Variants in ADAP2 observed in about 807,000 individuals in gnomAD.
The protein encoded by ADAP2 is arf-GAP with dual PH domain-containing protein 2.
In ADAP2, 42 loss-of-function variants were observed where a neutral mutation model predicts 54.9. That is an observed-to-expected ratio of 0.77 (90% CI 0.60 to 0.99). ADAP2 has a LOEUF of 0.99. ADAP2 is among the 50% of genes least tolerant of loss of function. The probability of loss-of-function intolerance (pLI) is 0.00; values close to 1 mark genes in which losing one functional copy is unlikely to be tolerated. For synonymous variants in ADAP2, 177 were observed against 180.1 expected, an observed-to-expected ratio of 0.98 and a Z score of 0.14; for missense variants, 429 against 480.4, an observed-to-expected ratio of 0.89 and a Z score of 1.00.
intron 5 of ADAP2, among the ~76,000 whole-genome samples, chr17:30,942,009 G>A (rs1299958568): frequency 6.6e-6 from 1 of 151,972 alleles, no homozygotes; most frequent in African/African-American, 2.4e-5. Context: ...GGGGTCAAGC[G>A]ATTCTCCTTC....
chr17:30,951,856 C>T (rs572600169), intron 7 of ADAP2, among the ~76,000 whole-genome samples: 7 of 149,292 alleles, frequency 4.7e-5, no homozygotes, highest in East Asian at 4.1e-4. Flanking sequence ...GGGGTTTCAC[C>T]GTGTTAGCCA....
intron 3 of ADAP2, among the ~76,000 whole-genome samples, 188 bp downstream of exon 3, chr17:30,927,106 CT>C (rs903424589): frequency 2.0e-5 from 3 of 152,130 alleles, no homozygotes; most frequent in African/African-American, 7.2e-5. Flanking sequence ...CTCTTTCTGC[CT>C]CTGTTGCTTG....
Position 30,934,233 on chromosome 17 carries a change from T to C in ADAP2, c.446T>C (p.Phe149Ser), listed in dbSNP as rs963288514. ...LWKRGRDNSQ[F>S]LRRKFVLLAR... Reference sequence around the variant, plus strand: ...AAGCGAGGAAGGGACAACTCACAGTTTCTGAGAAGGAAGTTTGTACTTCTG... The same window carrying C: ...AAGCGAGGAAGGGACAACTCACAGTCTCTGAGAAGGAAGTTTGTACTTCTG... Residue 149 changes from phenylalanine to serine, a missense_variant, in exon 5 of 11, where the codon TTT (phenylalanine) becomes TCT (serine). By Grantham distance (155) the Phe-to-Ser change is radical. Coordinates refer to ENST00000330889, the MANE Select transcript of ADAP2 (RefSeq NM_018404.3). The C allele has an allele frequency of 1.9e-6, 3 of 1,614,114 alleles. No homozygotes were observed. Among genetic ancestry groups the C allele is most frequent in the Admixed American group, 3.3e-5 (2 of 60,006 alleles).
rs1912512688 is a variant in ADAP2, at chr17:30,944,578, G to GTC, written c.511-327_511-326dup. 2.6e-5 allele frequency among the ~76,000 whole-genome samples: 4 copies of GTC among 152,298 alleles called. No individual in the cohort carries two copies. In the South Asian group the frequency reaches 8.3e-4, roughly 32 times the overall value. On this transcript the variant is annotated intron_variant, in intron 5 of 10. Coordinates refer to ENST00000330889, the MANE Select transcript of ADAP2 (RefSeq NM_018404.3). ...AGGTTCAAACCACTCTCCTGCCTCAGTCTTCCGAGTTGTTGGGATTACAGG... is the reference window on the plus strand; with the variant it reads ...AGGTTCAAACCACTCTCCTGCCTCAGTCTCTTCCGAGTTGTTGGGATTACAGG...
Position 30,958,034 on chromosome 17 carries a change from TG to T in ADAP2, c.*168del. 1 of 687,220 alleles carries T rather than the reference TG, an allele frequency of 1.5e-6. No individual in the cohort carries two copies. The highest frequency in any genetic ancestry group is 2.6e-6 in the Non-Finnish European group (1 of 390,476). 42.6% of individuals were successfully genotyped at this position (687,220 alleles called of 1,614,324 possible). On this transcript the variant is annotated 3_prime_UTR_variant, in exon 11 of 11. Coordinates refer to ENST00000330889, the MANE Select transcript of ADAP2 (RefSeq NM_018404.3). ...GCTGTGGCTTTATCCATCAGCTCCC[TG>T]GGCCTTCCCCGCAACCCACCTCGGG...
intron 3 of ADAP2, among the ~76,000 whole-genome samples, chr17:30,930,896 G>A (rs1911425416): frequency 6.6e-6 from 1 of 152,182 alleles, no homozygotes; most frequent in African/African-American, 2.4e-5. Flanking sequence ...TGCTGAGTAG[G>A]TGCTAGGCCC....
At chr17:30,951,695 G>A (rs1177771440) in intron 7 of ADAP2, among the ~76,000 whole-genome samples, 3 of 128,544 alleles carry the variant, frequency 2.3e-5, no homozygotes, top group East Asian at 4.5e-4. Flanking sequence ...TCGCTCTTTC[G>A]CCCAGGCCAG....
Position 30,953,335 on chromosome 17 carries a change from AAAGACTGGGC to A in ADAP2, c.790_799del (p.Lys264GlnfsTer98). ...ACTACCTCAAACAAGGCTTCATGGAAAAGACTGGGCCAAAGGTACCTTCTATCACTCCCTG... is the reference window on the plus strand; with the variant it reads ...ACTACCTCAAACAAGGCTTCATGGAACAAAGGTACCTTCTATCACTCCCTG... On this transcript the variant is annotated frameshift_variant, in exon 8 of 11. Coordinates refer to ENST00000330889, the MANE Select transcript of ADAP2 (RefSeq NM_018404.3). LOFTEE classifies it high-confidence loss of function. 6.2e-7 allele frequency: 1 copy of A among 1,614,048 alleles called. No homozygotes were observed. The highest frequency in any genetic ancestry group is 8.5e-7 in the Non-Finnish European group (1 of 1,180,022).
At chr17:30,953,246 T>A (rs141540697) in intron 7 of ADAP2, 42 bp from the exon 8 acceptor site, 13 of 1,608,524 alleles carry the variant, frequency 8.1e-6, no homozygotes, top group Non-Finnish European at 1.1e-5. Flanking sequence ...CCTGGAGCCT[T>A]GGGGTGTGAG....
chr17:30,945,689 G>A (rs1056464190), intron 6 of ADAP2, among the ~76,000 whole-genome samples: 17 of 151,916 alleles, frequency 1.1e-4, no homozygotes, highest in Admixed American at 3.9e-4. Flanking sequence ...CTGGGAGGTC[G>A]AGGCTGCAGT....
chr17:30,946,221 A>T (rs1912668487), intron 6 of ADAP2, among the ~76,000 whole-genome samples: 1 of 151,868 alleles, frequency 6.6e-6, no homozygotes, highest in Non-Finnish European at 1.5e-5. Flanking sequence ...TGCACATTAA[A>T]GTTTGAGAAG....
At chr17:30,949,474 C>T (rs370493206) in intron 7 of ADAP2, 104 bp downstream of exon 7, 22 of 1,077,988 alleles carry the variant, frequency 2.0e-5, no homozygotes, top group African/African-American at 4.7e-5. Flanking sequence ...TAGGGCTGGG[C>T]GCGGTGGCTC....
chr17:30,950,256 G>A (rs974782867), intron 7 of ADAP2, among the ~76,000 whole-genome samples: 2 of 152,178 alleles, frequency 1.3e-5, no homozygotes, highest in Non-Finnish European at 2.9e-5. Flanking sequence ...ACATCATGGG[G>A]AGCCGAGAAC....
At chr17:30,926,951 G>A (rs1466053323) in intron 3 of ADAP2, 33 bp downstream of exon 3, 2 of 1,545,526 alleles carry the variant, frequency 1.3e-6, no homozygotes, top group East Asian at 2.2e-5. Flanking sequence ...ACTGGGTGAG[G>A]GGTCTGTCCT....
intron 9 of ADAP2, among the ~76,000 whole-genome samples, chr17:30,955,577 C>T (rs977814398): frequency 2.0e-5 from 3 of 151,524 alleles, no homozygotes; most frequent in African/African-American, 4.9e-5. Flanking sequence ...CGTGGTGGTG[C>T]GTGCCTGTAA....
At chr17:30,942,495 C>T (rs1192323367) in intron 5 of ADAP2, among the ~76,000 whole-genome samples, 2 of 152,256 alleles carry the variant, frequency 1.3e-5, no homozygotes, top group Non-Finnish European at 2.9e-5. Context: ...TCTAAGCATA[C>T]GCTGTGACCT....
chr17:30,956,885 C>G (rs559171328), intron 10 of ADAP2: 2 of 188,078 alleles, frequency 1.1e-5, no homozygotes, highest in South Asian at 1.1e-4. Context: ...TGGATTCCTC[C>G]CCACTCCAGA....
chr17:30,956,725 C>T lies in ADAP2; in HGVS notation c.1111+256C>T, dbSNP rs971514773. ...GAGGAGTTTGGCCCTGGCAGAACCC[C>T]TGGGTGCTGTCTGTACCCCTTGCGG... On this transcript the variant is annotated intron_variant, in intron 10 of 10. Coordinates refer to ENST00000330889, the MANE Select transcript of ADAP2 (RefSeq NM_018404.3). 1.7e-5 allele frequency: 9 copies of T among 522,778 alleles called. No homozygotes were observed. In the African/African-American group the frequency reaches 1.7e-4, roughly 10 times the overall value. 32.4% of individuals were successfully genotyped at this position (522,778 alleles called of 1,614,324 possible).
chr17:30,925,491 C>T (rs1294063978), intron 2 of ADAP2, among the ~76,000 whole-genome samples: 1 of 151,832 alleles, frequency 6.6e-6, no homozygotes, highest in Non-Finnish European at 1.5e-5. Context: ...GCGCCCAATC[C>T]TCTGTTATAT....
Sources: allele counts gnomAD v4.1 joint callset (sites outside exome capture counted in the v4.1 genomes callset), GRCh38; gene constraint gnomAD v4.1.1; transcripts MANE v1.5; gene names NCBI Gene and HGNC (gene_info 2026-07-23, HGNC 2026-07-21).